Variants in ALCAM observed in about 807,000 individuals in gnomAD.
ALCAM encodes the protein CD166 antigen.
A neutral mutation model predicts 70.9 loss-of-function variants in ALCAM; 30 were observed. The observed-to-expected ratio is 0.42, with a 90% CI of 0.32 to 0.57. ALCAM has a LOEUF of 0.57. ALCAM is among the 20% of genes least tolerant of loss of function. The pLI, the probability that ALCAM is intolerant of heterozygous loss-of-function variation, is 0.11. For synonymous variants in ALCAM, 249 were observed against 242.5 expected (o/e 1.03, Z -0.25); for missense variants, 591 against 695.1 (o/e 0.85, Z 1.68).
intron 1 of ALCAM, among the ~76,000 whole-genome samples, chr3:105,428,441 G>C (rs201540196): frequency 6.6e-6 from 1 of 151,468 alleles, no homozygotes; most frequent in Admixed American, 6.6e-5. Context: ...TTCTGGCCCT[G>C]GAAGAGATTG....
At chr3:105,496,862 G>A (rs1012164021) in intron 1 of ALCAM, among the ~76,000 whole-genome samples, 9 of 148,600 alleles carry the variant, frequency 6.1e-5, no homozygotes, top group African/African-American at 1.7e-4. Context: ...GTGTGCATGC[G>A]TGTGTGTGTG....
intron 12 of ALCAM, among the ~76,000 whole-genome samples, chr3:105,550,967 A>G (rs1270138340): frequency 6.6e-6 from 1 of 151,508 alleles, no homozygotes; most frequent in Non-Finnish European, 1.5e-5. Flanking sequence ...AGTTGTTCCT[A>G]TTGTTTTGTC....
intron 1 of ALCAM, among the ~76,000 whole-genome samples, chr3:105,482,226 C>T (rs984002460): frequency 1.1e-4 from 16 of 152,134 alleles, no homozygotes; most frequent in African/African-American, 3.9e-4. Flanking sequence ...TATCCTCCTA[C>T]CTCAGTCTCT....
intron 2 of ALCAM, among the ~76,000 whole-genome samples, chr3:105,521,514 G>A (rs1301235491): frequency 6.6e-6 from 1 of 152,004 alleles, no homozygotes; most frequent in African/African-American, 2.4e-5. Context: ...GCACTCAAGG[G>A]GTGGTTTAAC....
intron 14 of ALCAM, chr3:105,553,246 G>A (rs192542475): frequency 2.3e-4 from 98 of 433,694 alleles, no homozygotes; most frequent in South Asian, 1.4e-3. Context: ...AGGAAAATCC[G>A]ATGAACCAGC....
At chr3:105,541,097 GTCTTAATT>G (rs1237771637) in intron 7 of ALCAM, among the ~76,000 whole-genome samples, 1 of 141,308 alleles carries the variant, frequency 7.1e-6, no homozygotes, top group African/African-American at 2.5e-5. Context: ...ATTTTTCCTA[GTCTTAATT>G]TCTTAATTTC....
At chr3:105,532,127 C>T in intron 4 of ALCAM, 61 bp downstream of exon 4, 1 of 1,351,584 alleles carries the variant, frequency 7.4e-7, no homozygotes, top group Non-Finnish European at 1.1e-6. Context: ...CTTCTTCTGA[C>T]CTTACATTCC....
intron 3 of ALCAM, among the ~76,000 whole-genome samples, chr3:105,530,075 C>T (rs1005135989): frequency 6.6e-6 from 1 of 151,880 alleles, no homozygotes; most frequent in Non-Finnish European, 1.5e-5. Context: ...CATTTTGACT[C>T]TTCATTGGCC....
chr3:105,527,987 T>C (rs566730156), intron 3 of ALCAM, among the ~76,000 whole-genome samples: 7 of 152,306 alleles, frequency 4.6e-5, no homozygotes, highest in Admixed American at 3.9e-4. Flanking sequence ...ATTTTGATTA[T>C]TTAAATATAA....
intron 1 of ALCAM, among the ~76,000 whole-genome samples, chr3:105,507,456 C>G (rs962858541): frequency 2.6e-5 from 4 of 152,200 alleles, no homozygotes; most frequent in Non-Finnish European, 5.9e-5. Flanking sequence ...CTGGCAACCA[C>G]TGGTCTCTTT....
chr3:105,525,146 T>G, intron 3 of ALCAM: 1 of 982,696 alleles, frequency 1.0e-6, no homozygotes, highest in Non-Finnish European at 1.2e-6. Context: ...CTTTAGAAAA[T>G]TGTCCTAAAA....
chr3:105,570,064 C>T (rs935355074), intron 14 of ALCAM, among the ~76,000 whole-genome samples: 2 of 152,108 alleles, frequency 1.3e-5, no homozygotes, highest in African/African-American at 4.8e-5. Context: ...TAGAAAATAA[C>T]ATTCTGTAGG....
At chr3:105,543,892 A>T (rs750361470) in intron 8 of ALCAM, among the ~76,000 whole-genome samples, 1 of 151,662 alleles carries the variant, frequency 6.6e-6, no homozygotes, top group Non-Finnish European at 1.5e-5. Context: ...TTGAGAAAGC[A>T]TGCTCCTTCC....
In ALCAM at chr3:105,561,651, C is replaced by T. The variant is rs2152634149; in HGVS notation, c.1664+9066C>T. Among the ~76,000 whole-genome samples the T allele has an allele frequency of 1.3e-5, 2 of 152,274 alleles. 1 individual carries two copies. The highest frequency in any genetic ancestry group is 4.1e-4 in the South Asian group (2 of 4,826). ...AGGGAAGAGTACACTCAAGATCACC[C>T]TTACTTCTGACACCAAATGCAAGTT... is the stretch of plus-strand genomic sequence containing the variant. On this transcript the variant is annotated intron_variant, in intron 14 of 15. Coordinates refer to ENST00000306107, the MANE Select transcript of ALCAM (RefSeq NM_001627.4).
At chr3:105,506,520 A>G (rs554489582) in intron 1 of ALCAM, among the ~76,000 whole-genome samples, 2 of 152,356 alleles carry the variant, frequency 1.3e-5, no homozygotes, top group African/African-American at 2.4e-5. Flanking sequence ...AACTAAATAC[A>G]TGATATAATC....
intron 15 of ALCAM, 49 bp from the exon 16 acceptor site, chr3:105,574,428 A>G (rs1473679286): frequency 6.6e-6 from 1 of 151,928 alleles, no homozygotes; most frequent in East Asian, 1.9e-4. Flanking sequence ...TTGATGTTAA[A>G]AAATTATTGC....
intron 1 of ALCAM, among the ~76,000 whole-genome samples, chr3:105,370,805 A>G (rs2107316134): frequency 6.6e-6 from 1 of 152,182 alleles, no homozygotes; most frequent in South Asian, 2.1e-4. Flanking sequence ...AAGAAAGGAT[A>G]GTAGGCCTCA....
intron 1 of ALCAM, among the ~76,000 whole-genome samples, chr3:105,389,374 T>TTTG (rs1935743816): frequency 8.0e-6 from 1 of 124,502 alleles, no homozygotes; most frequent in East Asian, 2.5e-4. Flanking sequence ...ATACATAGTT[T>TTTG]TTTTTTTTTT....
chr3:105,416,443 G>A (rs1440615679), intron 1 of ALCAM, among the ~76,000 whole-genome samples: 1 of 151,932 alleles, frequency 6.6e-6, no homozygotes, highest in African/African-American at 2.4e-5. Flanking sequence ...TTGCTTCAGA[G>A]CATTGTTGTG....
Sources: gnomAD v4.1 joint callset for allele counts (sites outside exome capture counted in the v4.1 genomes callset) on GRCh38, gnomAD v4.1.1 for gene constraint, MANE v1.5 for transcripts, NCBI Gene and HGNC (gene_info 2026-07-23, HGNC 2026-07-21) for gene names.